The following PUS3 variants were observed in gnomAD, a reference collection of about 807,000 sequenced individuals.
PUS3 encodes pseudouridine synthase 3.
PUS3 carries 36 observed loss-of-function variants against 43.3 expected under a neutral mutation model. That is an observed-to-expected ratio of 0.83 (90% CI 0.64 to 1.10). The LOEUF (loss-of-function observed/expected upper bound fraction) is 1.10, where lower values mean the gene tolerates loss of function less well. PUS3 is among the 50% of genes least tolerant of loss of function. PUS3 has a pLI of 0.00. For missense variants in PUS3, 544 were observed against 589.9 expected (o/e 0.92, Z 0.81); for synonymous variants, 183 against 199.2 (o/e 0.92, Z 0.69).
At chr11:125,894,329 C>T in intron 3 of PUS3, 43 bp from the exon 4 acceptor site, 1 of 1,494,490 alleles carries the variant, frequency 6.7e-7, no homozygotes, top group East Asian at 2.3e-5. Flanking sequence ...ACATAACATC[C>T]ATCTAACAGT....
At chr11:125,900,417 CA>C in intron 1 of PUS3, 1 of 711,860 alleles carries the variant, frequency 1.4e-6, no homozygotes, top group South Asian at 1.8e-5. Context: ...AGCTATATAT[CA>C]CATTGGTATC....
chr11:125,893,857 C>T lies in PUS3; in HGVS notation c.1374G>A (p.Glu458=). 1.2e-6 allele frequency: 2 copies of T among 1,613,996 alleles called. No homozygotes were observed. Among genetic ancestry groups the T allele is most frequent in the Non-Finnish European group, 1.7e-6 (2 of 1,179,958 alleles). ...KAKRDCNDTL[E]EENTNLETPT... ...GTGTCTCCAAATTAGTATTCTCTTC[C>T]TCTAGTGTGTCATTACAGTCCCTTT... Residue 458 remains glutamate, a synonymous_variant, in exon 4 of 4, where the codon GAG becomes GAA. Coordinates refer to ENST00000227474, the MANE Select transcript of PUS3 (RefSeq NM_031307.4).
In PUS3 at chr11:125,894,256, AT is replaced by A. The variant is rs1565452140; in HGVS notation, c.974del (p.Tyr325LeufsTer54). On this transcript the variant is annotated frameshift_variant, in exon 4 of 4. Coordinates refer to ENST00000227474, the MANE Select transcript of PUS3 (RefSeq NM_031307.4). LOFTEE classifies it high-confidence loss of function. ...SMAVEFPLVL[Y>X]DCKFENVKWI... The stretch of plus-strand genomic sequence containing the variant: ...ACTTGACATTTTCAAACTTACAGTC[AT>A]ATAAGACTAGAGGAAATTCTACAGC... The A allele has an allele frequency of 6.2e-7, 1 of 1,611,706 alleles. No homozygotes were observed. The highest frequency in any genetic ancestry group is 8.5e-7 in the Non-Finnish European group (1 of 1,178,056).
chr11:125,893,967 C>CTTGG lies in PUS3; in HGVS notation c.1260_1263dup (p.Gly422ProfsTer13). On this transcript the variant is annotated frameshift_variant, in exon 4 of 4. Coordinates refer to ENST00000227474, the MANE Select transcript of PUS3 (RefSeq NM_031307.4). LOFTEE classifies it high-confidence loss of function. ...AAATGCTGGATCCGGGATTCCAGTC[C>CTTGG]TTGGCATTTAGGACGGTCCATGAGG... 1 of 1,614,132 alleles carries CTTGG rather than the reference C, an allele frequency of 6.2e-7. No homozygotes were observed. The highest frequency in any genetic ancestry group is 1.7e-5 in the Admixed American group (1 of 60,010).
At chr11:125,900,954 T>C (rs1250740026) in intron 1 of PUS3, 1 of 143,246 alleles carries the variant, frequency 7.0e-6, no homozygotes, top group East Asian at 2.0e-4. Context: ...GGGCCTGCAG[T>C]GAGCCGAGAT....
At position 125,895,156 on chromosome 11, in the gene PUS3, T is replaced by C. The variant is rs1944540331; in HGVS notation, c.944+68A>G. The C allele has an allele frequency of 1.2e-5, 16 of 1,312,074 alleles. No individual in the cohort carries two copies. In the South Asian group the frequency reaches 2.4e-4, roughly 19 times the overall value. The allele number at this position is 1,312,074 out of a possible 1,614,324, so 81.3% of individuals were successfully genotyped here. On this transcript the variant is annotated intron_variant, in intron 3 of 3. Transcript: ENST00000227474. ...CCGCCTCCTGGCTTCAAGCAATTCT[T>C]GTGCCTCAAGCGTCCCGAGTAGCTG...
At position 125,894,039 on chromosome 11, in the gene PUS3, G is replaced by A; in HGVS notation, c.1192C>T (p.Gln398Ter). 1 of 1,614,186 alleles carries A rather than the reference G, an allele frequency of 6.2e-7. No individual in the cohort carries two copies. Among genetic ancestry groups the A allele is most frequent in the African/African-American group, 1.3e-5 (1 of 75,042 alleles). ...WGNVKPSVIK[Q>*]TSAFVEGVKM... The stretch of plus-strand genomic sequence containing the variant: ...ACTCCTTCTACAAAGGCACTGGTCT[G>A]CTTTATGACAGAGGGCTTAACATTT... Residue 398 changes from glutamine to a stop codon, truncating the protein, a stop_gained, in exon 4 of 4, where the codon CAG (glutamine) becomes TAG (stop). Coordinates refer to ENST00000227474, the MANE Select transcript of PUS3 (RefSeq NM_031307.4). LOFTEE classifies it high-confidence loss of function.
In PUS3 at chr11:125,893,795, C is replaced by T; in HGVS notation, c.1436G>A (p.Ser479Asn). The change falls in exon 4 of 4, where the codon AGC (serine) becomes AAC (asparagine). Residue 479 changes from serine to asparagine, a missense_variant. Ser to Asn is a conservative substitution (Grantham distance 46). Transcript: ENST00000227474. Reference sequence around the variant, plus strand: ...GCAAATTGTCTATGGTTAAATGATGCTTTTAATTTCTGTGTCAACACAGAC... The same window carrying T: ...GCAAATTGTCTATGGTTAAATGATGTTTTTAATTTCTGTGTCAACACAGAC... ...KRVCVDTEIK[S>N]II 6 of 1,607,152 alleles carry T rather than the reference C, an allele frequency of 3.7e-6. No individual in the cohort carries two copies. The highest frequency in any genetic ancestry group is 5.1e-6 in the Non-Finnish European group (6 of 1,176,090).
chr11:125,894,219 G>A lies in PUS3; in HGVS notation c.1012C>T (p.Gln338Ter). ...GTAATATTGAACTCCTGAGCCTCCT[G>A]GTCATAGATCCACTTGACATTTTCA... is the stretch of plus-strand genomic sequence containing the variant. ...KFENVKWIYDQEAQEFNITHL... is the reference protein window; with the variant it reads ...KFENVKWIYD The change falls in exon 4 of 4, where the codon CAG becomes TAG. Residue 338 changes from glutamine to a stop codon, truncating the protein, a stop_gained. Coordinates refer to ENST00000227474, the MANE Select transcript of PUS3 (RefSeq NM_031307.4). LOFTEE classifies it high-confidence loss of function. 1 of 1,613,122 alleles carries A rather than the reference G, an allele frequency of 6.2e-7. No homozygotes were observed. Among genetic ancestry groups the A allele is most frequent in the Non-Finnish European group, 8.5e-7 (1 of 1,179,240 alleles).
chr11:125,894,965 C>G (rs1485256843), intron 3 of PUS3, among the ~76,000 whole-genome samples: 1 of 152,016 alleles, frequency 6.6e-6, no homozygotes, highest in Non-Finnish European at 1.5e-5. Flanking sequence ...TCATAACATT[C>G]TACAATTCAG....
At chr11:125,899,515 T>C (rs1168922307) in intron 1 of PUS3, 1 of 1,613,948 alleles carries the variant, frequency 6.2e-7, no homozygotes. Context: ...TCCAATATGA[T>C]CCCTACAGTA....
intron 1 of PUS3, among the ~76,000 whole-genome samples, chr11:125,902,548 G>A (rs1944806018): frequency 6.7e-6 from 1 of 149,426 alleles, no homozygotes; most frequent in African/African-American, 2.5e-5. Flanking sequence ...AGGAGGTAGA[G>A]GCTGCAGTGA....
chr11:125,899,064 C>G, intron 1 of PUS3: 1 of 341,670 alleles, frequency 2.9e-6, no homozygotes. Flanking sequence ...CATGTAGTTT[C>G]AAGCTTTTCT....
chr11:125,894,756 C>A (rs985599957), intron 3 of PUS3, among the ~76,000 whole-genome samples: 1 of 152,110 alleles, frequency 6.6e-6, no homozygotes, highest in African/African-American at 2.4e-5. Context: ...ATAAAACAAG[C>A]AAGATTTAAT....
chr11:125,901,856 A>T lies in PUS3; in HGVS notation c.-47+1314T>A, dbSNP rs976427931. On this transcript the variant is annotated intron_variant, in intron 1 of 3. Coordinates refer to ENST00000227474, the MANE Select transcript of PUS3 (RefSeq NM_031307.4). ...AAATTAAGTGACATGAATGTATCAT[A>T]AACTATACAGGATGATCTCAGTACA... Among the ~76,000 whole-genome samples the T allele has an allele frequency of 2.0e-5, 3 of 152,368 alleles. No homozygotes were observed. In the South Asian group the frequency reaches 6.2e-4, roughly 32 times the overall value.
chr11:125,898,576 C>A (rs927367631), intron 1 of PUS3, among the ~76,000 whole-genome samples: 9 of 151,968 alleles, frequency 5.9e-5, no homozygotes, highest in African/African-American at 2.2e-4. Context: ...ACTCCGGAGT[C>A]TTAGACAGGA....
intron 1 of PUS3, chr11:125,899,361 G>T: frequency 6.2e-7 from 1 of 1,613,788 alleles, no homozygotes; most frequent in South Asian, 1.1e-5. Flanking sequence ...TACAGTGTAG[G>T]GGAAGCAATG....
rs1429010486 is a variant in PUS3, at chr11:125,895,268, A to G, written c.900T>C (p.Asp300=). The change falls in exon 3 of 4, where the codon GAT becomes GAC. Residue 300 remains aspartate (D), a synonymous_variant. Coordinates refer to ENST00000227474, the MANE Select transcript of PUS3 (RefSeq NM_031307.4). ...GQGMEKPEII[D]ELLNIEKNPQ... ...GATTTTTCTCTATATTCAGCAGCTC[A>G]TCAATAATCTCTGGCTTCTCCATTC... 1 of 1,607,524 alleles carries G rather than the reference A, an allele frequency of 6.2e-7. No individual in the cohort carries two copies. The highest frequency in any genetic ancestry group is 1.1e-5 in the South Asian group (1 of 89,802).
At position 125,900,002 on chromosome 11, in the gene PUS3, C is replaced by T. The variant is rs771819009; in HGVS notation, c.-47+3168G>A. ...AAGCCGAAACCGGGGCAAGACAGAC[C>T]GGGTAGCCCGGTATTTTGAGTACAA... On this transcript the variant is annotated intron_variant, in intron 1 of 3. Coordinates refer to ENST00000227474, the MANE Select transcript of PUS3 (RefSeq NM_031307.4). The T allele has an allele frequency of 7.4e-6, 12 of 1,614,066 alleles. No individual in the cohort carries two copies. Among genetic ancestry groups the T allele is most frequent in the African/African-American group, 4.0e-5 (3 of 74,920 alleles).
Sources: allele counts gnomAD v4.1 joint callset (sites outside exome capture counted in the v4.1 genomes callset), GRCh38; gene constraint gnomAD v4.1.1; transcripts MANE v1.5; gene names NCBI Gene and HGNC (gene_info 2026-07-23, HGNC 2026-07-21).